The following REN variants were observed in gnomAD, a reference collection of about 807,000 sequenced individuals.
REN encodes the protein renin.
Under a neutral mutation model 48.6 loss-of-function variants are expected in REN, and 42 were observed. The observed-to-expected ratio is 0.86, with a 90% CI of 0.68 to 1.12. REN has a LOEUF of 1.12. REN is among the 50% of genes most tolerant of loss of function. The probability of loss-of-function intolerance (pLI) is 0.00; values close to 1 mark genes in which losing one functional copy is unlikely to be tolerated. For synonymous variants in REN, 196 were observed against 204.6 expected (o/e 0.96, Z 0.36); for missense variants, 443 against 527.3 (o/e 0.84, Z 1.57).
intron 6 of REN, 73 bp downstream of exon 6, chr1:204,157,288 C>T (rs1206367972): frequency 3.8e-6 from 6 of 1,592,996 alleles, no homozygotes; most frequent in Admixed American, 1.7e-5. Context: ...GGGCCGGTGG[C>T]GTGTGTAATT....
intron 1 of REN, among the ~76,000 whole-genome samples, chr1:204,164,793 C>T (rs1658315124): frequency 6.6e-6 from 1 of 151,824 alleles, no homozygotes; most frequent in Admixed American, 6.6e-5. Flanking sequence ...GTCTTGAACT[C>T]GTGAGCTCAA....
rs1422936644 is a variant in REN, at chr1:204,160,661, C to A, written c.391G>T (p.Asp131Tyr). Reference sequence around the variant, plus strand: ...TTGTAGCTGGAGGAATCCGAAGCATCGAAGAGCTTGTGATACACTGGCAGG... The same window carrying A: ...TTGTAGCTGGAGGAATCCGAAGCATAGAAGAGCTTGTGATACACTGGCAGG... ...YTACVYHKLF[D>Y]ASDSSSYKHN... Residue 131 changes from aspartate (D) to tyrosine (Y), a missense_variant, in exon 4 of 10, where the codon GAT (aspartate) becomes TAT (tyrosine). Coordinates refer to ENST00000272190, the MANE Select transcript of REN (RefSeq NM_000537.4). 6.2e-7 allele frequency: 1 copy of A among 1,613,700 alleles called. No homozygotes were observed. Among genetic ancestry groups the A allele is most frequent in the African/African-American group, 1.3e-5 (1 of 74,912 alleles).
rs764714841 is a variant in REN at position 204,162,084 on chromosome 1, A to T, written c.178T>A (p.Trp60Arg). Residue 60 changes from tryptophan to arginine, a missense_variant, in exon 2 of 10, where the codon TGG (tryptophan) becomes AGG (arginine). Transcript: ENST00000272190. The stretch of plus-strand genomic sequence containing the variant: ...GTCAGCCTCTTCATGGGTTGGCTCC[A>T]CTCGGGACCAAGCCTGGCCATGTCC... ...GVDMARLGPEWSQPMKRLTLG... is the reference protein window; with the variant it reads ...GVDMARLGPERSQPMKRLTLG... 1.2e-5 allele frequency: 19 copies of T among 1,613,818 alleles called. No individual in the cohort carries two copies. The South Asian group carries it at 2.0e-4, about 17-fold the overall frequency.
At chr1:204,160,771 T>A in intron 3 of REN, 93 bp from the exon 4 acceptor site, 2 of 892,874 alleles carry the variant, frequency 2.2e-6, no homozygotes, top group South Asian at 2.6e-5. Context: ...CTGGTTAGCT[T>A]AGGTGCAGGG....
chr1:204,158,411 C>CTTTTTT (rs576572389), intron 5 of REN, among the ~76,000 whole-genome samples: 22 of 97,216 alleles, frequency 2.3e-4, no homozygotes, highest in Non-Finnish European at 3.2e-4. Context: ...ACCCTTGTGA[C>CTTTTTT]TTTTTTTTTT....
Position 204,155,042 on chromosome 1 carries a change from G to T in REN, c.1195C>A (p.Arg399Ser). Residue 399 changes from arginine to serine, a missense_variant, in exon 10 of 10, where the codon CGC (arginine) becomes AGC (serine). Transcript: ENST00000272190. ...CAGCGGGCCAAGGCGAAGCCAATGC[G>T]GTTGTTACGCCGATCAAACTCTGTG... Reference protein sequence around the residue: ...FYTEFDRRNNRIGFALAR With the variant: ...FYTEFDRRNNSIGFALAR The T allele has an allele frequency of 1.2e-6, 2 of 1,614,164 alleles. No homozygotes were observed. Among genetic ancestry groups the T allele is most frequent in the East Asian group, 2.2e-5 (1 of 44,892 alleles).
intron 4 of REN, 145 bp from the exon 5 acceptor site, chr1:204,159,740 C>T (rs1477121740): frequency 2.5e-5 from 18 of 709,784 alleles, no homozygotes; most frequent in East Asian, 5.4e-5. Context: ...CAACCCTGCA[C>T]GCACACACTC....
intron 3 of REN, 87 bp from the exon 4 acceptor site, chr1:204,160,765 T>C: frequency 1.1e-6 from 1 of 920,880 alleles, no homozygotes; most frequent in Non-Finnish European, 1.8e-6. Context: ...GTATGGCTGG[T>C]TAGCTTAGGT....
rs764408399 is a variant in REN, at chr1:204,155,835, C to T, written c.1044G>A (p.Ala348=). ...CGAACCTCACCTGAAATACATAGTC[C>T]GCGCTGGTGAGCGTGTATTCTTTGC... ...LGGKEYTLTS[A]DYVFQESYSS... The change falls in exon 9 of 10, where the codon GCG becomes GCA. Residue 348 remains alanine, a synonymous_variant. Transcript: ENST00000272190. 20 of 1,613,754 alleles carry T rather than the reference C, an allele frequency of 1.2e-5. No homozygotes were observed. The highest frequency in any genetic ancestry group is 3.3e-5 in the South Asian group (3 of 90,982).
chr1:204,164,041 A>G (rs930253263), intron 1 of REN, among the ~76,000 whole-genome samples: 3 of 152,354 alleles, frequency 2.0e-5, no homozygotes, highest in South Asian at 2.1e-4. Flanking sequence ...TGCTCTGCAC[A>G]TAGCGGGTAG....
chr1:204,165,260 TG>T (rs1047087581), intron 1 of REN, among the ~76,000 whole-genome samples: 44 of 152,296 alleles, frequency 2.9e-4, no homozygotes, highest in Middle Eastern at 3.4e-3. Context: ...CGTGAGCCAC[TG>T]CTCCCGGCCA....
chr1:204,157,472 A>T, intron 5 of REN, 103 bp from the exon 6 acceptor site: 15 of 1,511,786 alleles, frequency 9.9e-6, no homozygotes, highest in Non-Finnish European at 1.4e-5. Flanking sequence ...TTTGCCCTTC[A>T]GGCAATGGAG....
At position 204,160,546 on chromosome 1, in the gene REN, G is replaced by C; in HGVS notation, c.492+14C>G. ...AGGGGTCCGGGGCAGATGACCTAGG[G>C]CGGCCCAACTTACGGTGATGATGTC... On this transcript the variant is annotated intron_variant, in intron 4 of 9. Coordinates refer to ENST00000272190, the MANE Select transcript of REN (RefSeq NM_000537.4). 6.3e-7 allele frequency: 1 copy of C among 1,581,770 alleles called. No homozygotes were observed. The highest frequency in any genetic ancestry group is 2.2e-5 in the East Asian group (1 of 44,720).
chr1:204,156,389 G>A lies in REN; in HGVS notation c.819-70C>T, dbSNP rs1658151814. 1.3e-6 allele frequency: 2 copies of A among 1,524,062 alleles called. No homozygotes were observed. The highest frequency in any genetic ancestry group is 1.7e-5 in the Admixed American group (1 of 57,244). 94.4% of individuals were successfully genotyped at this position (1,524,062 alleles called of 1,614,324 possible). A position where few individuals can be genotyped will look rare whatever the true frequency, so the allele number is the denominator to read the frequency against. On this transcript the variant is annotated intron_variant, in intron 7 of 9. Transcript: ENST00000272190. The surrounding 1 kb of genome is among the most constrained non-coding windows in gnomAD (Gnocchi z 4.2). The stretch of plus-strand genomic sequence containing the variant: ...AAGGCTGATGGGGCACCTCCAGGCT[G>A]CATGTCCTTCCTGAGTGTGGGTGGG...
At chr1:204,157,415 A>G in intron 5 of REN, 46 bp from the exon 6 acceptor site, 1 of 1,614,070 alleles carries the variant, frequency 6.2e-7, no homozygotes, top group Middle Eastern at 1.6e-4. Flanking sequence ...ATTTCATGCC[A>G]GCCTCATCAG....
intron 9 of REN, 120 bp from the exon 10 acceptor site, chr1:204,155,297 G>T: frequency 1.8e-6 from 2 of 1,106,624 alleles, no homozygotes; most frequent in Non-Finnish European, 2.7e-6. Context: ...CTCTCCCCTA[G>T]CCACACTGGG....
At chr1:204,158,273 G>A (rs528553474) in intron 5 of REN, among the ~76,000 whole-genome samples, 48 of 152,214 alleles carry the variant, frequency 3.2e-4, no homozygotes, top group African/African-American at 1.1e-3. Context: ...ATGCAGAGCC[G>A]CCAATTGGCC....
Position 204,156,723 on chromosome 1 carries a change from A to C in REN, c.772T>G (p.Tyr258Asp). ...ACACCAGTCTTGATGAGGTTGATAT[A>C]GTGGAAATTCCCTTCGTAATGCTGG... ...DPQHYEGNFH[Y>D]INLIKTGVWQ... The change falls in exon 7 of 10, where the codon TAT becomes GAT. Residue 258 changes from tyrosine to aspartate, a missense_variant. Tyr to Asp is a radical substitution (Grantham distance 160, BLOSUM62 -3). Transcript: ENST00000272190. The surrounding 1 kb of genome is among the most constrained non-coding windows in gnomAD (Gnocchi z 4.2). The C allele has an allele frequency of 6.2e-7, 1 of 1,614,020 alleles. No individual in the cohort carries two copies. Among genetic ancestry groups the C allele is most frequent in the Non-Finnish European group, 8.5e-7 (1 of 1,179,996 alleles).
chr1:204,162,039 A>T lies in REN; in HGVS notation c.223T>A (p.Ser75Thr). 6.2e-7 allele frequency: 1 copy of T among 1,614,132 alleles called. No homozygotes were observed. The highest frequency in any genetic ancestry group is 8.5e-7 in the Non-Finnish European group (1 of 1,180,028). The change falls in exon 2 of 10, where the codon TCC (serine) becomes ACC (threonine). Residue 75 changes from serine to threonine, a missense_variant. Ser to Thr is a moderately conservative substitution (Grantham distance 58). Transcript: ENST00000272190. ...KRLTLGNTTS[S>T]VILTNYMDTQ... is the part of the protein sequence containing the mutation. ...TCCATGTAGTTGGTGAGGATCACGGAGGAGGTGGTGTTGCCAAGTGTCAGC... is the reference window on the plus strand; with the variant it reads ...TCCATGTAGTTGGTGAGGATCACGGTGGAGGTGGTGTTGCCAAGTGTCAGC...
Sources: gnomAD v4.1 joint callset for allele counts (sites outside exome capture counted in the v4.1 genomes callset) on GRCh38, gnomAD v4.1.1 for gene constraint, Gnocchi (gnomAD v3.1) non-coding constraint, MANE v1.5 for transcripts, NCBI Gene and HGNC (gene_info 2026-07-23, HGNC 2026-07-21) for gene names.